The following CDC42SE2 variants were observed in gnomAD, a reference collection of about 807,000 sequenced individuals.
The protein encoded by CDC42SE2 is CDC42 small effector 2, also known as CDC42 small effector protein 2.
Under a neutral mutation model 11.5 loss-of-function variants are expected in CDC42SE2, and 3 were observed. The ratio of observed to expected loss-of-function variants is 0.26; its 90% CI spans 0.12 to 0.67. The LOEUF (loss-of-function observed/expected upper bound fraction) is 0.67, where lower values mean the gene tolerates loss of function less well. CDC42SE2 is among the 30% of genes least tolerant of loss of function. CDC42SE2 has a pLI of 0.80. For synonymous variants in CDC42SE2, 33 were observed against 34.8 expected (o/e 0.95, Z 0.18); for missense variants, 82 against 106.8 (o/e 0.77, Z 1.02).
At chr5:131,352,617 G>C (rs1011412952) in intron 2 of CDC42SE2, among the ~76,000 whole-genome samples, 1 of 152,146 alleles carries the variant, frequency 6.6e-6, no homozygotes. Context: ...ATTAACCACA[G>C]AGAAGTAGCT....
chr5:131,341,118 G>A (rs1303682939), intron 2 of CDC42SE2, among the ~76,000 whole-genome samples: 1 of 152,116 alleles, frequency 6.6e-6, no homozygotes, highest in Non-Finnish European at 1.5e-5. Context: ...TAAGTGTTTT[G>A]TTTAATTTTC....
chr5:131,324,182 A>G (rs1758251233), intron 2 of CDC42SE2, among the ~76,000 whole-genome samples: 1 of 152,142 alleles, frequency 6.6e-6, no homozygotes, highest in Non-Finnish European at 1.5e-5. Context: ...AAATCACATC[A>G]CTGTATGAAT....
chr5:131,239,482 GT>G, the CDC42SE2 span, among the ~76,000 whole-genome samples: 6 of 152,088 alleles, frequency 3.9e-5, no homozygotes, highest in Non-Finnish European at 8.8e-5. Flanking sequence ...AGGCCTTAAG[GT>G]TGCTTATCCT....
chr5:131,210,374 T>C, the CDC42SE2 span, among the ~76,000 whole-genome samples: 3 of 152,366 alleles, frequency 2.0e-5, no homozygotes, highest in East Asian at 5.8e-4. Flanking sequence ...TAAAATATAA[T>C]TACACATTCA....
At chr5:131,335,658 T>G (rs1325101758) in intron 2 of CDC42SE2, among the ~76,000 whole-genome samples, 2 of 152,238 alleles carry the variant, frequency 1.3e-5, no homozygotes. Flanking sequence ...GCTCCTGTAT[T>G]GGATGCACAT....
At chr5:131,267,024 A>C (rs1328703114) in intron 1 of CDC42SE2, among the ~76,000 whole-genome samples, 1 of 148,400 alleles carries the variant, frequency 6.7e-6, no homozygotes, top group Non-Finnish European at 1.5e-5. Flanking sequence ...GCTGCGTTAA[A>C]ATATATTTTT....
intron 1 of CDC42SE2, among the ~76,000 whole-genome samples, chr5:131,302,495 A>G (rs543045697): frequency 6.6e-6 from 1 of 152,036 alleles, no homozygotes; most frequent in South Asian, 2.1e-4. Context: ...TTGTGTTTTT[A>G]ATAGAGACGG....
At chr5:131,325,727 T>C (rs936159889) in intron 2 of CDC42SE2, among the ~76,000 whole-genome samples, 2 of 152,232 alleles carry the variant, frequency 1.3e-5, no homozygotes, top group Non-Finnish European at 2.9e-5. Flanking sequence ...TAATTAACCT[T>C]AGAGAATGGT....
chr5:131,321,675 A>G (rs1758190434), intron 2 of CDC42SE2, among the ~76,000 whole-genome samples: 1 of 152,186 alleles, frequency 6.6e-6, no homozygotes, highest in Non-Finnish European at 1.5e-5. Context: ...GAGGGAAGAC[A>G]ACTGGGTGGG....
chr5:131,351,456 A>G (rs984679837), intron 2 of CDC42SE2, among the ~76,000 whole-genome samples: 47 of 152,140 alleles, frequency 3.1e-4, no homozygotes, highest in East Asian at 7.7e-4. Context: ...GGGTTTCACC[A>G]TGTTAGCCAG....
At chr5:131,378,907 T>TTGTG (rs2149785009) in intron 3 of CDC42SE2, among the ~76,000 whole-genome samples, 1 of 152,306 alleles carries the variant, frequency 6.6e-6, no homozygotes, top group East Asian at 1.9e-4. Flanking sequence ...AAGTTACAAA[T>TTGTG]TATCTGAAGC....
chr5:131,291,771 T>C (rs923371561), intron 1 of CDC42SE2, among the ~76,000 whole-genome samples: 19 of 152,186 alleles, frequency 1.2e-4, no homozygotes, highest in African/African-American at 4.1e-4. Flanking sequence ...AATACTGATA[T>C]AACAAACACC....
At chr5:131,346,337 AGGAG>A (rs1382912745) in intron 2 of CDC42SE2, among the ~76,000 whole-genome samples, 2 of 152,182 alleles carry the variant, frequency 1.3e-5, no homozygotes, top group African/African-American at 4.8e-5. Context: ...AACAAAAAAA[AGGAG>A]GGGTTGCAAT....
chr5:131,352,087 A>G (rs1160672365), intron 2 of CDC42SE2, among the ~76,000 whole-genome samples: 7 of 152,216 alleles, frequency 4.6e-5, no homozygotes, highest in African/African-American at 1.7e-4. Flanking sequence ...AACCACAGCA[A>G]GATACTACTG....
chr5:131,292,567 AAAAAAAAAC>A (rs919651152), intron 1 of CDC42SE2, among the ~76,000 whole-genome samples: 8 of 149,718 alleles, frequency 5.3e-5, no homozygotes, highest in Non-Finnish European at 8.9e-5. Context: ...CTCAAAAAAA[AAAAAAAAAC>A]AAAAAACAAA....
intron 3 of CDC42SE2, among the ~76,000 whole-genome samples, chr5:131,376,247 A>AG (rs1750150807): frequency 6.6e-6 from 1 of 151,834 alleles, no homozygotes; most frequent in Non-Finnish European, 1.5e-5. Flanking sequence ...AAAAAAAAAA[A>AG]CAAAAAACCT....
At chr5:131,266,320 T>C (rs887859625) in intron 1 of CDC42SE2, among the ~76,000 whole-genome samples, 1 of 152,178 alleles carries the variant, frequency 6.6e-6, no homozygotes, top group Non-Finnish European at 1.5e-5. Context: ...TATTAATTTT[T>C]TTATAGTTAG....
chr5:131,304,259 C>T (rs1451528273), intron 1 of CDC42SE2, among the ~76,000 whole-genome samples: 2 of 152,172 alleles, frequency 1.3e-5, no homozygotes, highest in African/African-American at 4.8e-5. Flanking sequence ...GCTGGCATTA[C>T]AGGCATGAGA....
At chr5:131,292,058 A>G (rs975218841) in intron 1 of CDC42SE2, among the ~76,000 whole-genome samples, 1 of 151,890 alleles carries the variant, frequency 6.6e-6, no homozygotes, top group East Asian at 1.9e-4. Context: ...CCTGGCTAAC[A>G]TGGTGAAACC....
Sources: gnomAD v4.1 joint callset for allele counts (sites outside exome capture counted in the v4.1 genomes callset) on GRCh38, gnomAD v4.1.1 for gene constraint, MANE v1.5 for transcripts, NCBI Gene and HGNC (gene_info 2026-07-23, HGNC 2026-07-21) for gene names.